CNTN5: variants seen among roughly 807,000 people sequenced by gnomAD.
CNTN5 encodes contactin 5.
CNTN5 carries 77 observed loss-of-function variants against 129.1 expected under a neutral mutation model. That is an observed-to-expected ratio of 0.60 (90% CI 0.50 to 0.72). The LOEUF is 0.72. Among genes scored for constraint, CNTN5 ranks in the 30% least tolerant of loss-of-function variants. The pLI, the probability that CNTN5 is intolerant of heterozygous loss-of-function variation, is 0.00. For synonymous variants in CNTN5, 509 were observed against 465.6 expected (o/e 1.09, Z -1.20); for missense variants, 1,478 against 1,328.8 (o/e 1.11, Z -1.75).
chr11:100,320,738 G>C (rs925801043), intron 21 of CNTN5, among the ~76,000 whole-genome samples: 3 of 151,940 alleles, frequency 2.0e-5, no homozygotes, highest in Non-Finnish European at 4.4e-5. Context: ...TTTTTACATG[G>C]TGGAAGCTGA....
At position 100,337,223 on chromosome 11, in the gene CNTN5, CAT is replaced by C. The variant is rs1298466546; in HGVS notation, c.2731-3237_2731-3236del. 2.6e-6 allele frequency: 4 copies of C among 1,541,960 alleles called. No individual in the cohort carries two copies. In the East Asian group the frequency reaches 6.8e-5, roughly 26 times the overall value. ...GAAAACACTGTAGTTCCTCCAGAAA[CAT>C]ATGTGAAAGTGGCAGGCCACCTGAG... On this transcript the variant is annotated intron_variant, in intron 21 of 24. Coordinates refer to ENST00000524871, the MANE Select transcript of CNTN5 (RefSeq NM_014361.4).
intron 3 of CNTN5, among the ~76,000 whole-genome samples, chr11:99,680,914 A>T (rs1246480554): frequency 6.6e-6 from 1 of 152,028 alleles, no homozygotes. Flanking sequence ...TCTAGATGCC[A>T]TTAAGAACAT....
chr11:99,459,055 T>C (rs1183361615), intron 2 of CNTN5, among the ~76,000 whole-genome samples: 1 of 152,032 alleles, frequency 6.6e-6, no homozygotes, highest in Non-Finnish European at 1.5e-5. Context: ...TAAAATGTTT[T>C]TGACAGAGTT....
chr11:99,288,221 T>G (rs1366987399), intron 1 of CNTN5, among the ~76,000 whole-genome samples: 1 of 147,760 alleles, frequency 6.8e-6, no homozygotes, highest in Non-Finnish European at 1.5e-5. Context: ...ATAAGCAGGG[T>G]TTTTTTTTTA....
At chr11:100,037,409 G>A (rs1942083578) in intron 9 of CNTN5, among the ~76,000 whole-genome samples, 2 of 152,112 alleles carry the variant, frequency 1.3e-5, no homozygotes, top group Admixed American at 6.5e-5. Context: ...TGTTCATCAA[G>A]GATATTGGTC....
chr11:100,299,964 A>G (rs1240668335), intron 20 of CNTN5, among the ~76,000 whole-genome samples: 1 of 151,528 alleles, frequency 6.6e-6, no homozygotes, highest in Admixed American at 6.6e-5. Flanking sequence ...GGAAAAGTTA[A>G]AGAACGTGCT....
At chr11:100,308,874 T>A (rs2138923276) in intron 21 of CNTN5, 1 of 984,598 alleles carries the variant, frequency 1.0e-6, no homozygotes, top group East Asian at 1.1e-4. Context: ...AATTATCAAA[T>A]TTTGCTTGGA....
At chr11:99,487,550 A>G (rs1945865377) in intron 2 of CNTN5, among the ~76,000 whole-genome samples, 1 of 152,174 alleles carries the variant, frequency 6.6e-6, no homozygotes, top group African/African-American at 2.4e-5. Context: ...ACAAAATCAA[A>G]CGTAATAGTC....
chr11:99,887,182 T>C (rs980658986), intron 6 of CNTN5, among the ~76,000 whole-genome samples: 1 of 152,192 alleles, frequency 6.6e-6, no homozygotes, highest in Admixed American at 6.5e-5. Flanking sequence ...CTGCACTTTC[T>C]CTCATCCTGC....
chr11:99,894,418 G>T (rs1343460033), intron 6 of CNTN5, among the ~76,000 whole-genome samples: 2 of 140,202 alleles, frequency 1.4e-5, no homozygotes, highest in African/African-American at 2.6e-5. Flanking sequence ...AATTTTATAG[G>T]TTTTTTTTTC....
chr11:99,107,708 G>T (rs891311283), intron 1 of CNTN5, among the ~76,000 whole-genome samples: 2 of 151,914 alleles, frequency 1.3e-5, no homozygotes, highest in African/African-American at 4.8e-5. Context: ...GAGGCGGGCA[G>T]ATCATGAGGT....
intron 3 of CNTN5, among the ~76,000 whole-genome samples, chr11:99,753,692 T>G: frequency 5.9e-5 from 1 of 16,952 alleles, no homozygotes; most frequent in African/African-American, 1.5e-4. Flanking sequence ...AATCACTTCC[T>G]TTTTTTTTTT....
At chr11:99,864,062 C>A (rs959228246) in intron 6 of CNTN5, among the ~76,000 whole-genome samples, 1 of 152,086 alleles carries the variant, frequency 6.6e-6, no homozygotes, top group Non-Finnish European at 1.5e-5. Context: ...ACTTCGCTCA[C>A]GGATGTATCT....
At chr11:99,935,166 C>A (rs1008931445) in intron 7 of CNTN5, among the ~76,000 whole-genome samples, 3 of 151,264 alleles carry the variant, frequency 2.0e-5, no homozygotes, top group Non-Finnish European at 4.4e-5. Flanking sequence ...TGTTCAGATT[C>A]TATGAATATA....
intron 2 of CNTN5, among the ~76,000 whole-genome samples, chr11:99,359,477 G>A (rs1459870320): frequency 6.6e-6 from 1 of 151,650 alleles, no homozygotes; most frequent in Non-Finnish European, 1.5e-5. Flanking sequence ...TCCATCCTTG[G>A]CTCTACAAAA....
At chr11:99,535,542 C>T (rs1947869140) in intron 2 of CNTN5, among the ~76,000 whole-genome samples, 1 of 152,102 alleles carries the variant, frequency 6.6e-6, no homozygotes, top group South Asian at 2.1e-4. Context: ...TATTCAGAGA[C>T]TCTGATTCAA....
At chr11:100,230,214 A>C (rs1949460610) in intron 16 of CNTN5, among the ~76,000 whole-genome samples, 1 of 152,192 alleles carries the variant, frequency 6.6e-6, no homozygotes, top group South Asian at 2.1e-4. Context: ...TCTTAAAGAA[A>C]AGCTAATTTC....
chr11:99,708,889 T>C (rs766435462), intron 3 of CNTN5, among the ~76,000 whole-genome samples: 7 of 151,810 alleles, frequency 4.6e-5, no homozygotes, highest in Non-Finnish European at 7.4e-5. Flanking sequence ...CTTTCCCTTA[T>C]ACTAGTCCTG....
At chr11:100,292,882 T>C (rs955338318) in intron 18 of CNTN5, among the ~76,000 whole-genome samples, 3 of 151,976 alleles carry the variant, frequency 2.0e-5, no homozygotes, top group African/African-American at 7.2e-5. Context: ...AGTCGTTTAA[T>C]GTCCTCTTAC....
Sources: gnomAD v4.1 joint callset for allele counts (sites outside exome capture counted in the v4.1 genomes callset) on GRCh38, gnomAD v4.1.1 for gene constraint, MANE v1.5 for transcripts, NCBI Gene and HGNC (gene_info 2026-07-23, HGNC 2026-07-21) for gene names.